Variants in SLC24A2 observed in about 807,000 individuals in gnomAD.
SLC24A2 encodes sodium/potassium/calcium exchanger 2.
SLC24A2 carries 36 observed loss-of-function variants against 62.0 expected under a neutral mutation model. That is an observed-to-expected ratio of 0.58 (90% CI 0.44 to 0.77). SLC24A2 has a LOEUF of 0.77. Ranked by LOEUF, SLC24A2 falls within the 30% of genes least tolerant of loss-of-function variation. SLC24A2 has a pLI of 0.00. For missense variants in SLC24A2, 846 were observed against 817.9 expected (o/e 1.03, Z -0.42); for synonymous variants, 358 against 294.0 (o/e 1.22, Z -2.23).
At chr9:20,191,928 A>G in the SLC24A2 span, among the ~76,000 whole-genome samples, 3 of 152,152 alleles carry the variant, frequency 2.0e-5, no homozygotes, top group East Asian at 1.9e-4. Context: ...GGATCCTGGC[A>G]TTGACCCATG....
chr9:19,780,698 C>G (rs1179692849), intron 2 of SLC24A2, among the ~76,000 whole-genome samples: 1 of 150,794 alleles, frequency 6.6e-6, no homozygotes, highest in African/African-American at 2.4e-5. Flanking sequence ...ACGGTGAAAC[C>G]CCGTCTCTTC....
At chr9:19,825,369 T>C in the SLC24A2 span, among the ~76,000 whole-genome samples, 1 of 152,276 alleles carries the variant, frequency 6.6e-6, no homozygotes, top group Admixed American at 6.5e-5. Flanking sequence ...AGGTGGGCAC[T>C]GACAAGACTA....
the SLC24A2 span, among the ~76,000 whole-genome samples, chr9:20,032,584 C>T: frequency 5.3e-5 from 8 of 152,210 alleles, no homozygotes; most frequent in East Asian, 1.9e-4. Flanking sequence ...CAGAGAAGTA[C>T]GGTAACTATG....
the SLC24A2 span, among the ~76,000 whole-genome samples, chr9:20,292,685 C>A: frequency 6.6e-6 from 1 of 152,178 alleles, no homozygotes; most frequent in Non-Finnish European, 1.5e-5. Flanking sequence ...CTCACTGCAA[C>A]CTTGACCTCC....
At chr9:19,933,466 CCATTCATTCATT>C in the SLC24A2 span, among the ~76,000 whole-genome samples, 4 of 151,964 alleles carry the variant, frequency 2.6e-5, no homozygotes, top group South Asian at 8.3e-4. Flanking sequence ...ATTCTTAGTT[CCATTCATTCATT>C]CATTCATTCA....
chr9:19,708,843 T>G (rs1454985414), intron 2 of SLC24A2, among the ~76,000 whole-genome samples: 1 of 152,218 alleles, frequency 6.6e-6, no homozygotes, highest in African/African-American at 2.4e-5. Context: ...GACATAGGCA[T>G]GGGCAAGGAC....
chr9:20,221,857 C>G, the SLC24A2 span, among the ~76,000 whole-genome samples: 1 of 151,974 alleles, frequency 6.6e-6, no homozygotes, highest in Non-Finnish European at 1.5e-5. Flanking sequence ...AAGGTATTTT[C>G]TACCCAGCAA....
At chr9:19,664,467 G>A (rs972219900) in intron 2 of SLC24A2, among the ~76,000 whole-genome samples, 1 of 152,196 alleles carries the variant, frequency 6.6e-6, no homozygotes, top group Non-Finnish European at 1.5e-5. Context: ...TTGGATATTA[G>A]CATTCCTGTT....
the SLC24A2 span, among the ~76,000 whole-genome samples, chr9:19,895,355 A>C: frequency 6.6e-6 from 1 of 152,128 alleles, no homozygotes; most frequent in South Asian, 2.1e-4. Flanking sequence ...AACCTAATGC[A>C]CACCGGAGAG....
At chr9:19,617,826 T>A (rs1407919653) in intron 4 of SLC24A2, among the ~76,000 whole-genome samples, 5 of 152,218 alleles carry the variant, frequency 3.3e-5, no homozygotes, top group Non-Finnish European at 7.3e-5. Context: ...ATAACCTGAT[T>A]TACTTTTTAA....
At chr9:20,284,035 T>C in the SLC24A2 span, among the ~76,000 whole-genome samples, 3 of 152,130 alleles carry the variant, frequency 2.0e-5, no homozygotes, top group African/African-American at 7.2e-5. Flanking sequence ...TGTTAACAGG[T>C]GTGGACCATC....
the SLC24A2 span, among the ~76,000 whole-genome samples, chr9:20,189,034 G>A: frequency 2.0e-5 from 3 of 149,988 alleles, no homozygotes; most frequent in Non-Finnish European, 4.4e-5. Context: ...AACTCCCACA[G>A]TTCTAGACTG....
chr9:20,285,499 T>A, the SLC24A2 span, among the ~76,000 whole-genome samples: 76,928 of 151,958 alleles, frequency 0.51, 20,065 homozygotes, highest in African/African-American at 0.65. Flanking sequence ...TTCCAAGGCA[T>A]CAAGCAGGAA....
At chr9:20,020,450 T>C in the SLC24A2 span, among the ~76,000 whole-genome samples, 1 of 152,108 alleles carries the variant, frequency 6.6e-6, no homozygotes, top group Non-Finnish European at 1.5e-5. Context: ...AAACTATCAT[T>C]CTCAGCAAAC....
intron 2 of SLC24A2, among the ~76,000 whole-genome samples, chr9:19,637,037 A>G (rs1271022005): frequency 6.6e-6 from 1 of 152,188 alleles, no homozygotes; most frequent in Non-Finnish European, 1.5e-5. Context: ...ATGTATCTTG[A>G]AAGCCTAAAT....
the SLC24A2 span, among the ~76,000 whole-genome samples, chr9:20,036,391 T>C: frequency 6.6e-6 from 1 of 151,662 alleles, no homozygotes; most frequent in Non-Finnish European, 1.5e-5. Context: ...AATTATTAGC[T>C]ATAATTACCA....
chr9:20,069,909 T>C, the SLC24A2 span, among the ~76,000 whole-genome samples: 17 of 152,366 alleles, frequency 1.1e-4, no homozygotes, highest in South Asian at 2.9e-3. Flanking sequence ...CTTCCTAGTA[T>C]GTGTTCAGAA....
At chr9:19,911,788 C>G in the SLC24A2 span, among the ~76,000 whole-genome samples, 1 of 152,164 alleles carries the variant, frequency 6.6e-6, no homozygotes, top group Non-Finnish European at 1.5e-5. Context: ...ATGGGAGACA[C>G]ATCTATGATG....
At chr9:19,966,080 C>T in the SLC24A2 span, among the ~76,000 whole-genome samples, 364 of 152,228 alleles carry the variant, frequency 2.4e-3, 12 homozygotes, top group Admixed American at 0.023. Context: ...CATAATTTAC[C>T]GGACATCCCT....
Sources: gnomAD v4.1 joint callset for allele counts (sites outside exome capture counted in the v4.1 genomes callset) on GRCh38, gnomAD v4.1.1 for gene constraint, MANE v1.5 for transcripts, NCBI Gene and HGNC (gene_info 2026-07-23, HGNC 2026-07-21) for gene names.